PCMTD1: variants seen among roughly 807,000 people sequenced by gnomAD.
The protein encoded by PCMTD1 is protein-L-isoaspartate (D-aspartate) O-methyltransferase domain containing 1, also known as protein-L-isoaspartate O-methyltransferase domain-containing protein 1.
A neutral mutation model predicts 37.6 loss-of-function variants in PCMTD1; 12 were observed. The ratio of observed to expected loss-of-function variants is 0.32; its 90% CI spans 0.20 to 0.52. The LOEUF is 0.52. Ranked by LOEUF, PCMTD1 falls within the 20% of genes least tolerant of loss-of-function variation. PCMTD1 has a pLI of 0.97. For missense variants in PCMTD1, 235 were observed against 421.3 expected (o/e 0.56, Z 3.87); for synonymous variants, 117 against 135.8 (o/e 0.86, Z 0.96).
intron 1 of PCMTD1, among the ~76,000 whole-genome samples, chr8:51,886,697 G>A (rs936587626): frequency 2.6e-5 from 4 of 152,156 alleles, no homozygotes; most frequent in African/African-American, 9.7e-5. Context: ...AGGCTGTTTA[G>A]AAATCATTTC....
chr8:51,873,920 C>CT (rs573068659), intron 1 of PCMTD1, among the ~76,000 whole-genome samples: 1,623 of 142,562 alleles, frequency 0.011, 24 homozygotes, highest in African/African-American at 0.029. Flanking sequence ...TTTTCTTTTT[C>CT]TTTTTTTTTT....
chr8:51,821,817 C>A, intron 5 of PCMTD1, among the ~76,000 whole-genome samples: 1 of 151,210 alleles, frequency 6.6e-6, no homozygotes, highest in Non-Finnish European at 1.5e-5. Flanking sequence ...GCTACTGCAA[C>A]CTCCACCTCC....
intron 3 of PCMTD1, among the ~76,000 whole-genome samples, chr8:51,841,357 T>C (rs1383677836): frequency 6.6e-6 from 1 of 152,326 alleles, no homozygotes; most frequent in South Asian, 2.1e-4. Flanking sequence ...TCCATTCATA[T>C]GGAATGAAAA....
At chr8:51,872,115 T>C (rs952684690) in intron 1 of PCMTD1, among the ~76,000 whole-genome samples, 2 of 152,210 alleles carry the variant, frequency 1.3e-5, no homozygotes, top group African/African-American at 2.4e-5. Flanking sequence ...AAGTAATATA[T>C]AAAACTTTAA....
chr8:51,861,314 A>G (rs1169587984), intron 1 of PCMTD1, 68 bp from the exon 2 acceptor site: 1 of 1,123,450 alleles, frequency 8.9e-7, no homozygotes, highest in East Asian at 2.6e-5. Context: ...TTGTTTATTA[A>G]ATGTATGTCA....
At chr8:51,840,803 T>C (rs1214462418) in intron 3 of PCMTD1, among the ~76,000 whole-genome samples, 1 of 152,094 alleles carries the variant, frequency 6.6e-6, no homozygotes, top group Admixed American at 6.6e-5. Flanking sequence ...CAAATATGAG[T>C]AATGAATTGC....
chr8:51,869,395 C>T (rs1026725563), intron 1 of PCMTD1, among the ~76,000 whole-genome samples: 5 of 152,128 alleles, frequency 3.3e-5, no homozygotes, highest in African/African-American at 1.2e-4. Context: ...GCCAAATCCC[C>T]AAAATGTCGT....
intron 2 of PCMTD1, among the ~76,000 whole-genome samples, chr8:51,852,877 G>A (rs1033028631): frequency 1.3e-5 from 2 of 152,184 alleles, no homozygotes; most frequent in African/African-American, 4.8e-5. Flanking sequence ...GTCACGTGTG[G>A]AAGAGGGCAG....
intron 3 of PCMTD1, among the ~76,000 whole-genome samples, chr8:51,835,582 A>G (rs781034086): frequency 6.6e-6 from 1 of 152,186 alleles, no homozygotes; most frequent in Non-Finnish European, 1.5e-5. Flanking sequence ...CTATCTAAAA[A>G]TTTTACAGAA....
At chr8:51,831,355 T>C in intron 5 of PCMTD1, 89 bp downstream of exon 5, 1 of 1,307,658 alleles carries the variant, frequency 7.6e-7, no homozygotes, top group Non-Finnish European at 1.0e-6. Context: ...AGTATTTAAT[T>C]CTTCATAATT....
intron 2 of PCMTD1, among the ~76,000 whole-genome samples, chr8:51,859,433 C>T (rs1485882020): frequency 6.6e-6 from 1 of 152,132 alleles, no homozygotes; most frequent in Non-Finnish European, 1.5e-5. Flanking sequence ...TTCTAGATTT[C>T]TCTTTATCGA....
chr8:51,826,815 G>T, intron 5 of PCMTD1: 1 of 642,658 alleles, frequency 1.6e-6, no homozygotes, highest in Non-Finnish European at 1.9e-6. Context: ...TTTAAACAAT[G>T]CATCTTTCTT....
chr8:51,888,278 T>G (rs564513253), intron 1 of PCMTD1, among the ~76,000 whole-genome samples: 5 of 152,312 alleles, frequency 3.3e-5, no homozygotes, highest in African/African-American at 9.6e-5. Context: ...CAGGATATAG[T>G]AGCAGATTCA....
At chr8:51,833,935 TCA>T (rs1484829307) in intron 3 of PCMTD1, among the ~76,000 whole-genome samples, 1 of 152,100 alleles carries the variant, frequency 6.6e-6, no homozygotes, top group Non-Finnish European at 1.5e-5. Flanking sequence ...CACTGAAACC[TCA>T]CTTAGGTCTT....
chr8:51,833,998 C>T (rs1429417224), intron 3 of PCMTD1, among the ~76,000 whole-genome samples: 2 of 152,010 alleles, frequency 1.3e-5, no homozygotes, highest in African/African-American at 4.8e-5. Context: ...TTGTGACACC[C>T]CCCAAAATAA....
chr8:51,873,709 A>G (rs1195817955), intron 1 of PCMTD1, among the ~76,000 whole-genome samples: 1 of 151,948 alleles, frequency 6.6e-6, no homozygotes, highest in Admixed American at 6.6e-5. Context: ...ACCTCCCCCT[A>G]CGCTCTCTGG....
intron 3 of PCMTD1, among the ~76,000 whole-genome samples, chr8:51,840,513 AG>A (rs1320241818): frequency 6.6e-6 from 1 of 152,170 alleles, no homozygotes; most frequent in Admixed American, 6.5e-5. Context: ...AAACATTATT[AG>A]AATACCAAAA....
At chr8:51,823,892 T>A (rs1357804500) in intron 5 of PCMTD1, among the ~76,000 whole-genome samples, 1 of 152,164 alleles carries the variant, frequency 6.6e-6, no homozygotes, top group Non-Finnish European at 1.5e-5. Context: ...TGATTCAACA[T>A]ATGCAAATCA....
chr8:51,842,969 T>C (rs1025330504), intron 3 of PCMTD1, among the ~76,000 whole-genome samples: 10 of 152,146 alleles, frequency 6.6e-5, no homozygotes, highest in Admixed American at 2.0e-4. Context: ...ACATATATTT[T>C]GATGAACCAT....
Sources: gnomAD v4.1 joint callset for allele counts (sites outside exome capture counted in the v4.1 genomes callset) on GRCh38, gnomAD v4.1.1 for gene constraint, MANE v1.5 for transcripts, NCBI Gene and HGNC (gene_info 2026-07-23, HGNC 2026-07-21) for gene names.